The following FAM3B variants were observed in gnomAD, a reference collection of about 807,000 sequenced individuals.
FAM3B encodes the protein protein FAM3B.
Under a neutral mutation model 28.4 loss-of-function variants are expected in FAM3B, and 29 were observed. The ratio of observed to expected loss-of-function variants is 1.02; its 90% CI spans 0.76 to 1.39. The LOEUF (loss-of-function observed/expected upper bound fraction) is 1.39, where lower values mean the gene tolerates loss of function less well. Ranked by LOEUF, FAM3B falls within the 40% of genes most tolerant of loss-of-function variation. The pLI is 0.00. For missense variants in FAM3B, 266 were observed against 293.9 expected (o/e 0.91, Z 0.69); for synonymous variants, 91 against 103.0 (o/e 0.88, Z 0.71).
At chr21:41,328,410 C>T (rs1175642942) in intron 2 of FAM3B, among the ~76,000 whole-genome samples, 1 of 152,030 alleles carries the variant, frequency 6.6e-6, no homozygotes, top group Non-Finnish European at 1.5e-5. Flanking sequence ...GTCCAAAAAT[C>T]TAGAAACACT....
At chr21:41,312,569 C>A (rs1601344720), upstream of FAM3B, among the ~76,000 whole-genome samples, 1 of 151,892 alleles carries the variant, frequency 6.6e-6, no homozygotes, top group Non-Finnish European at 1.5e-5. Flanking sequence ...TGAGAGGATA[C>A]AAAAGAAATA....
intron 1 of FAM3B, among the ~76,000 whole-genome samples, chr21:41,318,417 G>T (rs927151561): frequency 6.6e-6 from 1 of 152,190 alleles, no homozygotes; most frequent in African/African-American, 2.4e-5. Flanking sequence ...AGTGGGTATC[G>T]TAATACCTTG....
chr21:41,348,787 A>G (rs2089088258), intron 7 of FAM3B, 63 bp downstream of exon 7: 1 of 1,591,142 alleles, frequency 6.3e-7, no homozygotes, highest in Non-Finnish European at 8.6e-7. Context: ...GTGCCTTGAA[A>G]ACGTTCCTGG....
upstream of FAM3B, among the ~76,000 whole-genome samples, chr21:41,314,795 G>A (rs538594854): frequency 1.4e-4 from 21 of 151,758 alleles, no homozygotes; most frequent in East Asian, 1.5e-3. Context: ...AACAACATGC[G>A]TTGGTGAGGA....
intron 1 of FAM3B, among the ~76,000 whole-genome samples, chr21:41,310,814 G>A (rs1036442449): frequency 6.6e-6 from 1 of 152,194 alleles, no homozygotes; most frequent in Non-Finnish European, 1.5e-5. Flanking sequence ...GTGAAGGGCA[G>A]CTGCATAAGT....
chr21:41,355,680 G>A (rs970846498), intron 7 of FAM3B, among the ~76,000 whole-genome samples: 3 of 152,140 alleles, frequency 2.0e-5, no homozygotes, highest in Admixed American at 2.0e-4. Context: ...TAGGGTTGGG[G>A]GAAAGGAGAT....
At chr21:41,354,072 C>A (rs2089143933) in intron 7 of FAM3B, among the ~76,000 whole-genome samples, 1 of 152,160 alleles carries the variant, frequency 6.6e-6, no homozygotes, top group South Asian at 2.1e-4. Flanking sequence ...AAATGCACAT[C>A]AAAACCATGA....
intron 1 of FAM3B, among the ~76,000 whole-genome samples, chr21:41,305,402 T>C (rs1406932481): frequency 6.6e-6 from 1 of 152,196 alleles, no homozygotes; most frequent in Non-Finnish European, 1.5e-5. Flanking sequence ...AAATACGTTC[T>C]ATTTTCTTCT....
intron 7 of FAM3B, among the ~76,000 whole-genome samples, chr21:41,354,368 A>T (rs947206155): frequency 6.6e-6 from 1 of 152,266 alleles, no homozygotes; most frequent in Non-Finnish European, 1.5e-5. Context: ...TATTATAAAG[A>T]CACGTACTCA....
intron 7 of FAM3B, among the ~76,000 whole-genome samples, chr21:41,352,296 A>G (rs927784235): frequency 6.6e-6 from 1 of 151,980 alleles, no homozygotes; most frequent in East Asian, 1.9e-4. Context: ...GCCTCCCTCC[A>G]TGCAGGGGGT....
chr21:41,311,520 CA>C (rs1353259643), intron 1 of FAM3B, among the ~76,000 whole-genome samples: 1 of 150,386 alleles, frequency 6.6e-6, no homozygotes, highest in Non-Finnish European at 1.5e-5. Context: ...GAAATAAAAA[CA>C]ATACAACCAT....
At chr21:41,331,998 T>C (rs569208908) in intron 2 of FAM3B, among the ~76,000 whole-genome samples, 2 of 152,362 alleles carry the variant, frequency 1.3e-5, no homozygotes, top group African/African-American at 4.8e-5. Flanking sequence ...TGCCCAAATC[T>C]CATTTGGAAT....
chr21:41,355,378 C>A (rs577289962), intron 7 of FAM3B, among the ~76,000 whole-genome samples: 84 of 152,216 alleles, frequency 5.5e-4, no homozygotes, highest in Non-Finnish European at 1.1e-3. Flanking sequence ...CACAAATGTG[C>A]ATAGCAACAT....
At chr21:41,324,286 C>A in intron 2 of FAM3B, among the ~76,000 whole-genome samples, 1 of 152,214 alleles carries the variant, frequency 6.6e-6, no homozygotes, top group East Asian at 1.9e-4. Flanking sequence ...TCCCATAAAA[C>A]TCCATGTTAG....
chr21:41,310,097 C>T (rs1004359467), intron 1 of FAM3B, among the ~76,000 whole-genome samples: 3 of 152,206 alleles, frequency 2.0e-5, no homozygotes, highest in Non-Finnish European at 4.4e-5. Context: ...GTGGGAGTTT[C>T]TACCCAAAGG....
At position 41,346,786 on chromosome 21, in the gene FAM3B, C is replaced by A. The variant is rs527425309; in HGVS notation, c.398-227C>A. 5.3e-5 allele frequency among the ~76,000 whole-genome samples: 8 copies of A among 152,216 alleles called. No individual in the cohort carries two copies. In the South Asian group the frequency reaches 1.5e-3, roughly 28 times the overall value. ...GAACACCTATTGCAAGTGTTAGGTT[C>A]TTTTCCTTCTACGCTGTGCCACTCA... On this transcript the variant is annotated intron_variant, in intron 5 of 7. Coordinates refer to ENST00000357985, the MANE Select transcript of FAM3B (RefSeq NM_058186.4).
chr21:41,311,247 AAAAAATATATATAT>A (rs1232817182), intron 1 of FAM3B, among the ~76,000 whole-genome samples: 12 of 63,440 alleles, frequency 1.9e-4, no homozygotes, highest in African/African-American at 5.6e-4. Flanking sequence ...AAAAAAAAAA[AAAAAATATATATAT>A]ATATATATAT....
intron 1 of FAM3B, among the ~76,000 whole-genome samples, chr21:41,309,949 TG>T (rs1435048005): frequency 6.6e-6 from 1 of 152,194 alleles, no homozygotes; most frequent in Non-Finnish European, 1.5e-5. Flanking sequence ...CTGCCTCTTC[TG>T]GTCCCATTCA....
At chr21:41,351,632 A>T (rs936594013) in intron 7 of FAM3B, among the ~76,000 whole-genome samples, 81 of 151,970 alleles carry the variant, frequency 5.3e-4, no homozygotes, top group African/African-American at 1.8e-3. Flanking sequence ...AGGGTGGTGT[A>T]CCCATGTTGG....
Sources: gnomAD v4.1 joint callset for allele counts (sites outside exome capture counted in the v4.1 genomes callset) on GRCh38, gnomAD v4.1.1 for gene constraint, MANE v1.5 for transcripts, NCBI Gene and HGNC (gene_info 2026-07-23, HGNC 2026-07-21) for gene names.